Variants in PHTF2 observed in about 807,000 individuals in gnomAD.
The protein encoded by PHTF2 is putative homeodomain transcription factor 2.
In PHTF2, 60 loss-of-function variants were observed where a neutral mutation model predicts 101.2. That is an observed-to-expected ratio of 0.59 (90% CI 0.48 to 0.73). PHTF2 has a LOEUF of 0.73. Among genes scored for constraint, PHTF2 ranks in the 30% least tolerant of loss-of-function variants. The pLI, the probability that PHTF2 is intolerant of heterozygous loss-of-function variation, is 0.00. For missense variants in PHTF2, 747 were observed against 908.7 expected, an observed-to-expected ratio of 0.82 and a Z score of 2.29; for synonymous variants, 311 against 307.3, an observed-to-expected ratio of 1.01 and a Z score of -0.13.
chr7:77,927,493 G>T (rs1483332868), intron 11 of PHTF2, among the ~76,000 whole-genome samples: 1 of 152,050 alleles, frequency 6.6e-6, no homozygotes, highest in African/African-American at 2.4e-5. Context: ...CTACTCGGGA[G>T]GCTGAGGCAG....
intron 3 of PHTF2, among the ~76,000 whole-genome samples, chr7:77,863,913 A>G (rs1426187775): frequency 1.3e-5 from 2 of 151,148 alleles, no homozygotes; most frequent in African/African-American, 4.9e-5. Context: ...GTAGCTGGGG[A>G]CTACAGGAGT....
At chr7:77,889,497 C>T (rs146627092) in intron 3 of PHTF2, among the ~76,000 whole-genome samples, 50 of 151,920 alleles carry the variant, frequency 3.3e-4, no homozygotes, top group African/African-American at 9.9e-4. Flanking sequence ...GGTTAACCAG[C>T]GTCCTCACAA....
chr7:77,941,279 C>T (rs927817938), intron 15 of PHTF2, among the ~76,000 whole-genome samples: 11 of 152,218 alleles, frequency 7.2e-5, no homozygotes, highest in African/African-American at 2.4e-4. Flanking sequence ...TTTCTCTACT[C>T]TTATATTTAA....
chr7:77,922,849 A>G, intron 11 of PHTF2, 71 bp downstream of exon 10: 1 of 1,291,716 alleles, frequency 7.7e-7, no homozygotes, highest in Non-Finnish European at 1.0e-6. Context: ...ACTTCTTTCA[A>G]CAATTAAAAA....
At chr7:77,954,301 T>A (rs546041373) in intron 19 of PHTF2, among the ~76,000 whole-genome samples, 81 of 152,036 alleles carry the variant, frequency 5.3e-4, no homozygotes, top group African/African-American at 1.9e-3. Flanking sequence ...GCCTGGCCAA[T>A]TTTTGTATTT....
chr7:77,817,574 G>A (rs1049538693), intron 1 of PHTF2, among the ~76,000 whole-genome samples: 3 of 150,976 alleles, frequency 2.0e-5, no homozygotes, highest in African/African-American at 7.3e-5. Context: ...AGAATAGCAT[G>A]AGGGAAACCA....
At chr7:77,854,509 A>T (rs1797013881) in intron 2 of PHTF2, among the ~76,000 whole-genome samples, 1 of 152,096 alleles carries the variant, frequency 6.6e-6, no homozygotes, top group African/African-American at 2.4e-5. Context: ...TAGTAAATCC[A>T]GCTAGGCTTG....
intron 3 of PHTF2, among the ~76,000 whole-genome samples, chr7:77,871,651 A>G (rs780163018): frequency 1.4e-5 from 2 of 146,088 alleles, no homozygotes; most frequent in East Asian, 3.9e-4. Context: ...GATTCAGAGC[A>G]TACACTTTGC....
Position 77,920,741 on chromosome 7 carries a change from G to A in PHTF2, c.963+276G>A, listed in dbSNP as rs139877598. On this transcript the variant is annotated intron_variant, in intron 10 of 19. Coordinates refer to ENST00000416283, the Ensembl canonical transcript of PHTF2. ...CTGTTATCCAGGCTGGAGTGAGGTG[G>A]TGCGATCTTGGCTCACAGCATCCTC... is the stretch of plus-strand genomic sequence containing the variant. Among the ~76,000 whole-genome samples, 157 of 152,260 alleles carry A rather than the reference G, an allele frequency of 1.0e-3. 2 individuals carry two copies. The highest frequency in any genetic ancestry group is 3.7e-3 in the African/African-American group (154 of 41,540).
At chr7:77,826,424 A>G (rs1250505904) in intron 1 of PHTF2, among the ~76,000 whole-genome samples, 3 of 152,170 alleles carry the variant, frequency 2.0e-5, no homozygotes, top group Non-Finnish European at 2.9e-5. Context: ...AAGTATGGAA[A>G]TAGTCAGTCT....
In PHTF2 at chr7:77,840,314, C is replaced by A. The variant is rs747409589; in HGVS notation, c.45+14C>A. 4 of 1,562,798 alleles carry A rather than the reference C, an allele frequency of 2.6e-6. No individual in the cohort carries two copies. The highest frequency in any genetic ancestry group is 1.8e-6 in the Non-Finnish European group (2 of 1,134,962). On this transcript the variant is annotated intron_variant, in intron 2 of 19. Coordinates refer to ENST00000416283, the Ensembl canonical transcript of PHTF2. Reference sequence around the variant, plus strand: ...TATCAAAAGAAGGTAAGTTGATAGTCAAAACTTTTAGCTTTCTAAATGTTT... The same window carrying A: ...TATCAAAAGAAGGTAAGTTGATAGTAAAAACTTTTAGCTTTCTAAATGTTT...
intron 3 of PHTF2, among the ~76,000 whole-genome samples, chr7:77,885,376 A>G (rs1043247168): frequency 5.3e-5 from 8 of 151,980 alleles, no homozygotes; most frequent in Non-Finnish European, 7.4e-5. Flanking sequence ...TGCTCATATT[A>G]TAGGCATGAG....
chr7:77,855,879 A>G (rs1327793455), intron 3 of PHTF2, among the ~76,000 whole-genome samples: 1 of 152,192 alleles, frequency 6.6e-6, no homozygotes, highest in Non-Finnish European at 1.5e-5. Context: ...GGTGTTGACA[A>G]TTCAAGACTG....
At chr7:77,890,088 T>C (rs1370161044) in intron 3 of PHTF2, among the ~76,000 whole-genome samples, 2 of 147,882 alleles carry the variant, frequency 1.4e-5, no homozygotes, top group Non-Finnish European at 3.0e-5. Flanking sequence ...ACCTATCAAA[T>C]CTTTGAATAA....
intron 1 of PHTF2, among the ~76,000 whole-genome samples, chr7:77,806,871 CTTCA>C (rs1485612613): frequency 8.5e-5 from 13 of 152,098 alleles, no homozygotes; most frequent in Non-Finnish European, 1.5e-4. Flanking sequence ...AAAAAAACTA[CTTCA>C]TATATTTTAT....
Position 77,922,983 on chromosome 7 carries a change from C to T in PHTF2, c.1119+205C>T. 2.4e-6 allele frequency: 3 copies of T among 1,273,452 alleles called. No individual in the cohort carries two copies. In the South Asian group the frequency reaches 7.6e-5, roughly 32 times the overall value. 78.9% of individuals were successfully genotyped at this position (1,273,452 alleles called of 1,614,324 possible). ...ATTGATAGATAGCCACACATTTGAG[C>T]TCATTTTATGCATTATCTTTGAAGA... is the stretch of plus-strand genomic sequence containing the variant. On this transcript the variant is annotated intron_variant, in intron 11 of 19. Transcript: ENST00000416283.
At chr7:77,805,885 TCAAA>T (rs1322587998) in intron 1 of PHTF2, among the ~76,000 whole-genome samples, 1 of 152,200 alleles carries the variant, frequency 6.6e-6, no homozygotes, top group Non-Finnish European at 1.5e-5. Context: ...TTTATAAATG[TCAAA>T]CAAGGTTGGG....
At chr7:77,889,996 T>G (rs933697124) in intron 3 of PHTF2, among the ~76,000 whole-genome samples, 2 of 149,716 alleles carry the variant, frequency 1.3e-5, no homozygotes, top group African/African-American at 5.0e-5. Flanking sequence ...GAATGAAATT[T>G]ATCTAGTTTA....
At chr7:77,943,425 C>A (rs1805799559) in intron 16 of PHTF2, among the ~76,000 whole-genome samples, 1 of 152,154 alleles carries the variant, frequency 6.6e-6, no homozygotes, top group Non-Finnish European at 1.5e-5. Flanking sequence ...CAGCGCCCGA[C>A]CTATTCTTTC....
Sources: gnomAD v4.1 joint callset for allele counts (sites outside exome capture counted in the v4.1 genomes callset) on GRCh38, gnomAD v4.1.1 for gene constraint, MANE v1.5 for transcripts, NCBI Gene and HGNC (gene_info 2026-07-23, HGNC 2026-07-21) for gene names.